Variants in OR3A3 observed in about 807,000 individuals in gnomAD.
The protein encoded by OR3A3 is olfactory receptor 3A3.
For synonymous variants in OR3A3, 103 were observed against 163.9 expected (o/e 0.63, Z 2.84); for missense variants, 275 against 391.4 (o/e 0.70, Z 2.51).
intron 2 of OR3A3, among the ~76,000 whole-genome samples, chr17:3,413,442 A>G (rs751048729): frequency 3.3e-5 from 5 of 152,244 alleles, no homozygotes; most frequent in Non-Finnish European, 5.9e-5. Flanking sequence ...TTTGCAAAGC[A>G]TTTACAATTA....
At chr17:3,420,442 C>A in intron 2 of OR3A3, 138 bp from the exon 3 acceptor site, 2 of 1,424,124 alleles carry the variant, frequency 1.4e-6, no homozygotes, top group South Asian at 1.4e-5. Flanking sequence ...CAACCAAGAG[C>A]AAGGTAAAGG....
At chr17:3,421,453 C>A in exon 3 of OR3A3, 1 of 1,593,254 alleles carries the variant, frequency 6.3e-7, no homozygotes, top group South Asian at 1.1e-5. Context: ...CATGCTGAAC[C>A]CACTTATCTA....
chr17:3,415,032 T>C lies in OR3A3; in HGVS notation c.-7+2861T>C, dbSNP rs1009957321. On this transcript the variant is annotated intron_variant, in intron 2 of 2. Coordinates refer to ENST00000641141, the Ensembl canonical transcript of OR3A3. ...TCAGAGTTTCCTTCTGTTTATTATATGTGTATGTGGTAACAGTGAGATCAT... is the reference window on the plus strand; with the variant it reads ...TCAGAGTTTCCTTCTGTTTATTATACGTGTATGTGGTAACAGTGAGATCAT... 9.2e-5 allele frequency among the ~76,000 whole-genome samples: 14 copies of C among 152,316 alleles called. No individual in the cohort carries two copies. In the East Asian group the frequency reaches 2.5e-3, roughly 27 times the overall value.
At chr17:3,415,385 A>G (rs1359785669) in intron 2 of OR3A3, among the ~76,000 whole-genome samples, 1 of 151,592 alleles carries the variant, frequency 6.6e-6, no homozygotes, top group Non-Finnish European at 1.5e-5. Context: ...ACATGGTGAA[A>G]CCCTATCTCT....
At chr17:3,414,252 C>T (rs550826493) in intron 2 of OR3A3, among the ~76,000 whole-genome samples, 2 of 152,232 alleles carry the variant, frequency 1.3e-5, no homozygotes, top group Admixed American at 6.5e-5. Context: ...TTTGTATTTT[C>T]AGTAGAGACG....
chr17:3,417,477 C>T (rs1244618362), intron 2 of OR3A3, among the ~76,000 whole-genome samples: 1 of 152,106 alleles, frequency 6.6e-6, no homozygotes, highest in Non-Finnish European at 1.5e-5. Context: ...CCATATACGT[C>T]TTACAGTAAA....
At chr17:3,420,595 G>A in exon 3 of OR3A3, 2 of 1,524,500 alleles carry the variant, frequency 1.3e-6, no homozygotes, top group Non-Finnish European at 1.8e-6. Context: ...CATGGAGCCA[G>A]AAGCTGGGAC....
At position 3,415,231 on chromosome 17, in the gene OR3A3, T is replaced by C. The variant is rs542712644; in HGVS notation, c.-7+3060T>C. Among the ~76,000 whole-genome samples, 24 of 152,152 alleles carry C rather than the reference T, an allele frequency of 1.6e-4. No homozygotes were observed. The South Asian group carries it at 4.6e-3, about 29-fold the overall frequency. On this transcript the variant is annotated intron_variant, in intron 2 of 2. Coordinates refer to ENST00000641141, the Ensembl canonical transcript of OR3A3. ...TATCGTATATTATTTTTATATTTAC[T>C]TTTTATCTTGAAATTTTCCTATACT... is the stretch of plus-strand genomic sequence containing the variant.
intron 2 of OR3A3, among the ~76,000 whole-genome samples, chr17:3,415,807 T>A (rs200964446): frequency 0.54 from 61,621 of 113,232 alleles, 14,534 homozygotes; most frequent in Non-Finnish European, 0.63. Flanking sequence ...AAATTATTAT[T>A]ATTATTATTA....
At chr17:3,413,599 G>A (rs1240632720) in intron 2 of OR3A3, among the ~76,000 whole-genome samples, 1 of 152,076 alleles carries the variant, frequency 6.6e-6, no homozygotes, top group African/African-American at 2.4e-5. Context: ...CGGATCATGA[G>A]GTCAGTTGTT....
chr17:3,415,965 T>C (rs1221337133), intron 2 of OR3A3, among the ~76,000 whole-genome samples: 1 of 151,442 alleles, frequency 6.6e-6, no homozygotes, highest in African/African-American at 2.4e-5. Context: ...GCGAGCACCA[T>C]CACGCCTGGC....
intron 2 of OR3A3, among the ~76,000 whole-genome samples, chr17:3,415,094 C>T (rs1241340477): frequency 6.6e-6 from 1 of 151,952 alleles, no homozygotes; most frequent in African/African-American, 2.4e-5. Context: ...CTTTTACTTA[C>T]TGAATATCTT....
At chr17:3,412,982 A>C (rs1302291702) in intron 2 of OR3A3, among the ~76,000 whole-genome samples, 1 of 152,232 alleles carries the variant, frequency 6.6e-6, no homozygotes, top group East Asian at 1.9e-4. Flanking sequence ...TCTTTCTCTG[A>C]AATTGTACGA....
At chr17:3,423,410 T>A (rs956152784) in exon 3 of OR3A3, 1 of 152,242 alleles carries the variant, frequency 6.6e-6, no homozygotes, top group Non-Finnish European at 1.5e-5. Context: ...TTTCCTGTGT[T>A]CCACCTGTCC....
exon 3 of OR3A3, chr17:3,422,591 T>G (rs1264637025): frequency 6.6e-6 from 1 of 152,278 alleles, no homozygotes; most frequent in Non-Finnish European, 1.5e-5. Context: ...ACATCAATAC[T>G]GCTGCAACCC....
chr17:3,417,773 C>G (rs919552136), intron 2 of OR3A3, among the ~76,000 whole-genome samples: 3 of 152,152 alleles, frequency 2.0e-5, no homozygotes, highest in Non-Finnish European at 4.4e-5. Flanking sequence ...AGATAAGCAT[C>G]TTCTCATTCT....
At chr17:3,423,593 A>G (rs1359876806) in exon 3 of OR3A3, 1 of 152,206 alleles carries the variant, frequency 6.6e-6, no homozygotes, top group Admixed American at 6.5e-5. Flanking sequence ...TAAAAATCCA[A>G]TTATTCCTTC....
In OR3A3 at chr17:3,418,397, A is replaced by G. The variant is rs2072405183; in HGVS notation, c.-6-2183A>G. On this transcript the variant is annotated intron_variant, in intron 2 of 2. Transcript: ENST00000641141. ...TTTTGCCTTGACTTCTCTAATGTCAATGCTGACACACAGCTGAGGAACTGC... is the reference window on the plus strand; with the variant it reads ...TTTTGCCTTGACTTCTCTAATGTCAGTGCTGACACACAGCTGAGGAACTGC... Among the ~76,000 whole-genome samples the G allele has an allele frequency of 1.3e-5, 2 of 152,152 alleles. 1 individual carries two copies. The highest frequency in any genetic ancestry group is 4.1e-4 in the South Asian group (2 of 4,824).
chr17:3,422,692 C>T (rs2072443448), exon 3 of OR3A3: 1 of 152,290 alleles, frequency 6.6e-6, no homozygotes. Context: ...TTTACTGCGT[C>T]CTAGCAACAC....
Sources: allele counts gnomAD v4.1 joint callset (sites outside exome capture counted in the v4.1 genomes callset), GRCh38; gene constraint gnomAD v4.1.1; transcripts MANE v1.5; gene names NCBI Gene and HGNC (gene_info 2026-07-23, HGNC 2026-07-21).